The following ERICH1 variants were observed in gnomAD, a reference collection of about 807,000 sequenced individuals.
ERICH1 encodes the protein glutamate-rich protein 1.
In ERICH1, 56 loss-of-function variants were observed where a neutral mutation model predicts 39.6. The observed-to-expected ratio is 1.41, with a 90% confidence interval of 1.14 to 1.77. The LOEUF is 1.77. Among genes scored for constraint, ERICH1 ranks in the 40% most tolerant of loss-of-function variants. ERICH1 has a pLI of 0.00. For missense variants in ERICH1, 826 were observed against 575.4 expected, an observed-to-expected ratio of 1.44 and a Z score of -4.45; for synonymous variants, 313 against 223.6, an observed-to-expected ratio of 1.40 and a Z score of -3.57.
At chr8:697,182 T>G (rs1489438383) in intron 2 of ERICH1, among the ~76,000 whole-genome samples, 1 of 152,194 alleles carries the variant, frequency 6.6e-6, no homozygotes, top group Admixed American at 6.5e-5. Flanking sequence ...TCTCGTGGCC[T>G]CTTGCTTTTC....
At chr8:629,899 ACAGACAGAGC>A (rs1797871787) in intron 3 of ERICH1, among the ~76,000 whole-genome samples, 1 of 135,410 alleles carries the variant, frequency 7.4e-6, no homozygotes, top group Non-Finnish European at 1.6e-5. Context: ...GAGCACCCAC[ACAGACAGAGC>A]TGACTCACAC....
chr8:729,487 G>A (rs1819520789), intron 1 of ERICH1, among the ~76,000 whole-genome samples: 2 of 152,196 alleles, frequency 1.3e-5, no homozygotes, highest in Non-Finnish European at 1.5e-5. Context: ...GCTCCATCAG[G>A]TCACAAATGC....
rs17065206 is a variant in ERICH1, at chr8:652,352, A to G, written c.976+16246T>C. ...TTAGGGAAGCAGTGGACAGAGATAA[A>G]TGAGACAACACAGGCTCGCAACCAA... On this transcript the variant is annotated intron_variant, in intron 3 of 3. Transcript: ENST00000522706. 8.7e-3 allele frequency among the ~76,000 whole-genome samples: 1,326 copies of G among 152,342 alleles called. 15 individuals are homozygous for G. Among genetic ancestry groups the G allele is most frequent in the African/African-American group, 0.03 (1,267 of 41,574 alleles).
intron 2 of ERICH1, among the ~76,000 whole-genome samples, chr8:705,172 G>A (rs191827616): frequency 3.3e-5 from 5 of 152,306 alleles, no homozygotes; most frequent in South Asian, 4.1e-4. Context: ...TGACCTAACC[G>A]TACAAGAACA....
chr8:703,500 C>T (rs1243676289), intron 2 of ERICH1, among the ~76,000 whole-genome samples: 1 of 152,164 alleles, frequency 6.6e-6, no homozygotes, highest in Non-Finnish European at 1.5e-5. Context: ...GAAGCCTCCC[C>T]ACCACCCGTG....
chr8:658,766 A>C (rs1216659223), intron 3 of ERICH1, among the ~76,000 whole-genome samples: 1 of 152,208 alleles, frequency 6.6e-6, no homozygotes, highest in Non-Finnish European at 1.5e-5. Context: ...CCACAGCCTC[A>C]GGGCAAGGCC....
intron 3 of ERICH1, among the ~76,000 whole-genome samples, chr8:640,012 T>G (rs1798811074): frequency 6.6e-6 from 1 of 152,202 alleles, no homozygotes; most frequent in Admixed American, 6.5e-5. Context: ...GCCCTGTGTG[T>G]GCCCGTGACA....
At chr8:721,619 T>C (rs1817333711) in intron 1 of ERICH1, among the ~76,000 whole-genome samples, 1 of 152,222 alleles carries the variant, frequency 6.6e-6, no homozygotes, top group Non-Finnish European at 1.5e-5. Context: ...TGCTGGTTCT[T>C]GGAACCGTCA....
intron 3 of ERICH1, among the ~76,000 whole-genome samples, chr8:654,509 CA>C (rs1284465484): frequency 1.3e-5 from 2 of 152,134 alleles, no homozygotes; most frequent in Non-Finnish European, 2.9e-5. Flanking sequence ...GGAGCTGTGA[CA>C]TTATGTTTTA....
chr8:643,700 TC>T (rs1799276942), intron 3 of ERICH1, among the ~76,000 whole-genome samples: 2 of 152,196 alleles, frequency 1.3e-5, no homozygotes, highest in African/African-American at 4.8e-5. Flanking sequence ...CACTGAGCCA[TC>T]CGCGACTTCG....
intron 3 of ERICH1, among the ~76,000 whole-genome samples, chr8:624,358 T>C (rs1797472498): frequency 6.6e-6 from 1 of 152,104 alleles, no homozygotes; most frequent in Non-Finnish European, 1.5e-5. Flanking sequence ...AGTCCAGCAA[T>C]TTCCCAAAAA....
chr8:624,754 T>C (rs34879583), intron 3 of ERICH1, among the ~76,000 whole-genome samples: 37,572 of 151,666 alleles, frequency 0.25, 5,257 homozygotes, highest in East Asian at 0.48. Flanking sequence ...TTTGAGACAG[T>C]CTCGCTCTGT....
chr8:724,414 A>C (rs797007326), intron 1 of ERICH1, among the ~76,000 whole-genome samples: 16 of 152,338 alleles, frequency 1.1e-4, no homozygotes, highest in African/African-American at 3.6e-4. Flanking sequence ...AAGCGTTCAC[A>C]AACACCTTAC....
chr8:692,951 C>A (rs76744750), intron 2 of ERICH1, among the ~76,000 whole-genome samples: 4 of 152,142 alleles, frequency 2.6e-5, no homozygotes, highest in Non-Finnish European at 5.9e-5. Flanking sequence ...AAACAGTTTG[C>A]ACGACACACC....
intron 4 of ERICH1, among the ~76,000 whole-genome samples, chr8:670,890 A>G (rs1397699151): frequency 6.6e-6 from 1 of 150,526 alleles, no homozygotes; most frequent in African/African-American, 2.5e-5. Flanking sequence ...CCAGGATCCA[A>G]CCTCTGAACC....
Position 628,799 on chromosome 8 carries a change from G to C in ERICH1, c.977-13515C>G, listed in dbSNP as rs528750064. 7.2e-5 allele frequency among the ~76,000 whole-genome samples: 11 copies of C among 152,282 alleles called. No individual in the cohort carries two copies. The South Asian group carries it at 2.3e-3, about 32-fold the overall frequency. On this transcript the variant is annotated intron_variant, in intron 3 of 3. Transcript: ENST00000522706. The stretch of plus-strand genomic sequence containing the variant: ...AATCCTTCCTGCTTCCCTTTCAGAA[G>C]CTTTCATGAACGTTTCCTCGGCTCC...
chr8:636,258 G>C (rs574725457), intron 3 of ERICH1, among the ~76,000 whole-genome samples: 1 of 152,354 alleles, frequency 6.6e-6, no homozygotes, highest in African/African-American at 2.4e-5. Context: ...CAGCCTCCCT[G>C]AAGCTCAGCT....
At chr8:694,119 T>A (rs1425681317) in intron 2 of ERICH1, among the ~76,000 whole-genome samples, 1 of 152,136 alleles carries the variant, frequency 6.6e-6, no homozygotes, top group African/African-American at 2.4e-5. Context: ...TTGAGCAAAA[T>A]CACAACCACA....
At chr8:620,173 G>T (rs566373504) in intron 3 of ERICH1, among the ~76,000 whole-genome samples, 9 of 152,156 alleles carry the variant, frequency 5.9e-5, no homozygotes, top group African/African-American at 2.2e-4. Context: ...TTAGCCAGGC[G>T]TGGTGGCGCA....
Sources: gnomAD v4.1 joint callset for allele counts (sites outside exome capture counted in the v4.1 genomes callset) on GRCh38, gnomAD v4.1.1 for gene constraint, MANE v1.5 for transcripts, NCBI Gene and HGNC (gene_info 2026-07-23, HGNC 2026-07-21) for gene names.